Variants in CHD1L observed in about 807,000 individuals in gnomAD.
CHD1L encodes chromodomain helicase DNA binding protein 1 like.
A neutral mutation model predicts 115.9 loss-of-function variants in CHD1L; 118 were observed. That is an observed-to-expected ratio of 1.02 (90% confidence interval 0.88 to 1.19). The LOEUF is 1.19. Among genes scored for constraint, CHD1L ranks in the 50% most tolerant of loss-of-function variants. CHD1L has a pLI of 0.00. For missense variants in CHD1L, 1,179 were observed against 1,065.3 expected (o/e 1.11, Z -1.49); for synonymous variants, 411 against 387.1 (o/e 1.06, Z -0.72).
At chr1:147,232,074 AC>A in the CHD1L span, among the ~76,000 whole-genome samples, 3 of 151,942 alleles carry the variant, frequency 2.0e-5, no homozygotes, top group African/African-American at 7.3e-5. Flanking sequence ...TCTTGGCTCC[AC>A]CCCCCAGAGG....
chr1:147,226,119 T>TTC, the CHD1L span, among the ~76,000 whole-genome samples: 3 of 151,154 alleles, frequency 2.0e-5, no homozygotes, highest in Non-Finnish European at 2.9e-5. Context: ...TTTTTTTTTT[T>TTC]CCAACTTTTT....
At chr1:147,203,626 G>A in the CHD1L span, 169 of 1,244,872 alleles carry the variant, frequency 1.4e-4, no homozygotes, top group Admixed American at 5.4e-4. Flanking sequence ...TCTTAATAGC[G>A]TACTGTTCAA....
chr1:147,221,918 G>A, the CHD1L span, among the ~76,000 whole-genome samples: 2 of 152,236 alleles, frequency 1.3e-5, no homozygotes, highest in Non-Finnish European at 2.9e-5. Context: ...TGAGCACAGA[G>A]CAGTATTGGG....
chr1:147,287,597 ACCT>A (rs782102790), intron 18 of CHD1L, 35 bp from the exon 19 acceptor site: 1 of 1,495,878 alleles, frequency 6.7e-7, no homozygotes, highest in Admixed American at 1.8e-5. Context: ...ACTGGACTTC[ACCT>A]CCTATAGATG....
At chr1:147,265,624 A>G (rs587668969) in intron 7 of CHD1L, among the ~76,000 whole-genome samples, 3 of 152,292 alleles carry the variant, frequency 2.0e-5, no homozygotes, top group Admixed American at 2.0e-4. Context: ...CTCACTTGAA[A>G]TTTCTAAGCT....
In CHD1L at chr1:147,287,098, G is replaced by A. The variant is rs587651176; in HGVS notation, c.2222-537G>A. Among the ~76,000 whole-genome samples the A allele has an allele frequency of 2.0e-5, 3 of 152,272 alleles. No individual in the cohort carries two copies. In the East Asian group the frequency reaches 5.8e-4, roughly 29 times the overall value. Reference sequence around the variant, plus strand: ...TGCATTAAAAAATACACTTATGGCAGCAGGGGTTTTTTCTTGTTCGCTGCT... The same window carrying A: ...TGCATTAAAAAATACACTTATGGCAACAGGGGTTTTTTCTTGTTCGCTGCT... On this transcript the variant is annotated intron_variant, in intron 18 of 22. Transcript: ENST00000369258.
the CHD1L span, chr1:147,178,797 C>T: frequency 6.2e-7 from 1 of 1,604,686 alleles, no homozygotes; most frequent in Non-Finnish European, 8.5e-7. Flanking sequence ...AAAAAATGAC[C>T]AGTGGCAAAA....
At chr1:147,204,706 A>C in the CHD1L span, 4 of 1,534,134 alleles carry the variant, frequency 2.6e-6, no homozygotes, top group African/African-American at 2.7e-5. Context: ...CTGTACTTCT[A>C]GTTCTCTTAA....
At chr1:147,217,729 T>C in the CHD1L span, among the ~76,000 whole-genome samples, 1 of 152,222 alleles carries the variant, frequency 6.6e-6, no homozygotes, top group Non-Finnish European at 1.5e-5. Context: ...ACCAAAGTGT[T>C]CTCTCTAAGG....
the CHD1L span, chr1:147,178,074 G>GCCGCGACCCTTCCGGCTGC: frequency 3.2e-6 from 4 of 1,252,218 alleles, no homozygotes; most frequent in Non-Finnish European, 4.4e-6. Flanking sequence ...TCCCAGTCGA[G>GCCGCGACCCTTCCGGCTGC]CCGCGACCCT....
chr1:147,225,225 G>A, the CHD1L span: 1 of 1,406,000 alleles, frequency 7.1e-7, no homozygotes, highest in East Asian at 2.6e-5. Context: ...TGCTGGCATG[G>A]GGGAGCCCTG....
upstream of CHD1L, among the ~76,000 whole-genome samples, chr1:147,238,517 C>G (rs911514484): frequency 3.4e-4 from 51 of 152,196 alleles, no homozygotes; most frequent in African/African-American, 1.1e-3. Context: ...AGGACATATC[C>G]TTTCTGTGGA....
the CHD1L span, among the ~76,000 whole-genome samples, chr1:147,185,765 T>G: frequency 6.6e-6 from 1 of 152,220 alleles, no homozygotes; most frequent in East Asian, 1.9e-4. Flanking sequence ...GCCTGACAGC[T>G]GACACTTAGT....
chr1:147,229,563 G>C, the CHD1L span, among the ~76,000 whole-genome samples: 12 of 152,202 alleles, frequency 7.9e-5, no homozygotes, highest in East Asian at 1.9e-4. Flanking sequence ...TTGGTTGCTT[G>C]ATGGGGATGG....
In CHD1L at chr1:147,291,488, G is replaced by C; in HGVS notation, c.2327G>C (p.Ser776Thr). The change falls in exon 20 of 23, where the codon AGT (serine) becomes ACT (threonine). Residue 776 changes from serine to threonine, a missense_variant. Transcript: ENST00000369258. ...CCTTTCTGTTTTACCTCAGACCTGA[G>C]TTTGGGAGGTGTCCTTTTATTTCCT... ...YELAGKMKDLSLGGVLLFPVD... is the reference protein window; with the variant it reads ...YELAGKMKDLTLGGVLLFPVD... The C allele has an allele frequency of 6.2e-7, 1 of 1,613,812 alleles. No homozygotes were observed. Among genetic ancestry groups the C allele is most frequent in the Non-Finnish European group, 8.5e-7 (1 of 1,179,786 alleles).
chr1:147,271,523 C>T (rs113507179), intron 11 of CHD1L, among the ~76,000 whole-genome samples: 2,392 of 152,274 alleles, frequency 0.016, 35 homozygotes, highest in Non-Finnish European at 0.027. Context: ...TGAGAAAAGG[C>T]TCTAACATGA....
Position 147,259,880 on chromosome 1 carries a change from A to G in CHD1L, c.538A>G (p.Lys180Glu). 6.2e-7 allele frequency: 1 copy of G among 1,613,904 alleles called. No homozygotes were observed. Among genetic ancestry groups the G allele is most frequent in the South Asian group, 1.1e-5 (1 of 91,052 alleles). ...TGTTGTGGATGAAGCTCACAGGTTG[A>G]AAAACCAAAGCTCCCTGCTGCATAA... Reference protein sequence around the residue: ...VLVVDEAHRLKNQSSLLHKTL... With the variant: ...VLVVDEAHRLENQSSLLHKTL... The change falls in exon 6 of 23, where the codon AAA becomes GAA. Residue 180 changes from lysine to glutamate, a missense_variant. Transcript: ENST00000369258.
At chr1:147,240,671 C>A (rs903561130), upstream of CHD1L, among the ~76,000 whole-genome samples, 2 of 152,164 alleles carry the variant, frequency 1.3e-5, no homozygotes, top group East Asian at 3.8e-4. Context: ...TAGGAGAAAA[C>A]CACCTTAGGC....
the CHD1L span, among the ~76,000 whole-genome samples, chr1:147,179,951 TAA>T: frequency 0.082 from 11,825 of 143,520 alleles, 954 homozygotes; most frequent in East Asian, 0.42. Flanking sequence ...CTTTAAACTG[TAA>T]AAAAAAAAAA....
Sources: allele counts gnomAD v4.1 joint callset (sites outside exome capture counted in the v4.1 genomes callset), GRCh38; gene constraint gnomAD v4.1.1; transcripts MANE v1.5; gene names NCBI Gene and HGNC (gene_info 2026-07-23, HGNC 2026-07-21).